Variants in ZNF334 observed in about 807,000 individuals in gnomAD.
ZNF334 encodes zinc finger protein 334.
ZNF334 carries 14 observed loss-of-function variants against 12.4 expected under a neutral mutation model. That is an observed-to-expected ratio of 1.13 (90% CI 0.74 to 1.76). The LOEUF is 1.76. ZNF334 is among the 40% of genes most tolerant of loss of function. ZNF334 has a pLI of 0.00. For synonymous variants in ZNF334, 273 were observed against 269.6 expected (o/e 1.01, Z -0.12); for missense variants, 797 against 804.5 (o/e 0.99, Z 0.11).
At chr20:46,473,166 A>G in the ZNF334 span, among the ~76,000 whole-genome samples, 1 of 152,166 alleles carries the variant, frequency 6.6e-6, no homozygotes. Context: ...TGTATGCATC[A>G]TTTGTAAATC....
In ZNF334 at chr20:46,504,229, T is replaced by G. The variant is rs189187102; in HGVS notation, c.226A>C (p.Asn76His). The G allele has an allele frequency of 3.0e-5, 48 of 1,611,876 alleles. No homozygotes were observed. Among genetic ancestry groups the G allele is most frequent in the Middle Eastern group, 1.7e-4 (1 of 6,036 alleles). ...EEPWIVEEFS[N>H]QNYPDIDDAL... is the part of the protein sequence containing the mutation. ...ATTTACTTACCTGGGTAGTTCTGAT[T>G]TGAGAATTCCTCCACTATCCATGGC... The change falls in exon 4 of 5, where the codon AAT (asparagine) becomes CAT (histidine). Residue 76 changes from asparagine (N) to histidine (H), a missense_variant. Asn to His is a moderately conservative substitution (Grantham distance 68). Coordinates refer to ENST00000692313, the MANE Select transcript of ZNF334 (RefSeq NM_001353824.2).
chr20:46,476,692 G>C, the ZNF334 span, among the ~76,000 whole-genome samples: 1 of 152,150 alleles, frequency 6.6e-6, no homozygotes, highest in African/African-American at 2.4e-5. Flanking sequence ...TGACAAAAAA[G>C]TGTGAAAGAA....
At chr20:46,509,405 G>A (rs918139468) in intron 2 of ZNF334, among the ~76,000 whole-genome samples, 2 of 152,164 alleles carry the variant, frequency 1.3e-5, no homozygotes, top group Non-Finnish European at 2.9e-5. Flanking sequence ...AAGAAAGGAT[G>A]TAAACAATGA....
At chr20:46,509,373 G>A (rs2061558194) in intron 2 of ZNF334, among the ~76,000 whole-genome samples, 1 of 152,146 alleles carries the variant, frequency 6.6e-6, no homozygotes, top group Admixed American at 6.5e-5. Context: ...TAGTGAGGGT[G>A]AGGGAAGTAA....
the ZNF334 span, among the ~76,000 whole-genome samples, chr20:46,477,812 A>G: frequency 6.6e-6 from 1 of 152,226 alleles, no homozygotes; most frequent in African/African-American, 2.4e-5. Flanking sequence ...TCAGTTAATG[A>G]GATCATGAAT....
chr20:46,475,272 C>G, the ZNF334 span, among the ~76,000 whole-genome samples: 1 of 152,028 alleles, frequency 6.6e-6, no homozygotes, highest in Non-Finnish European at 1.5e-5. Flanking sequence ...CATAAAAAAC[C>G]AAACCTTGAC....
In ZNF334 at chr20:46,503,056, T is replaced by C. The variant is rs887899829; in HGVS notation, c.283A>G (p.Lys95Glu). The C allele has an allele frequency of 7.5e-6, 12 of 1,609,694 alleles. No homozygotes were observed. Among genetic ancestry groups the C allele is most frequent in the Non-Finnish European group, 1.0e-5 (12 of 1,178,162 alleles). ...ALEKNKEIQDKHLTQTVFFSN... is the reference protein window; with the variant it reads ...ALEKNKEIQDEHLTQTVFFSN... The stretch of plus-strand genomic sequence containing the variant: ...AAGAATACAGTTTGTGTCAAATGTT[T>C]ATCTTGGATTTCCTTGTTCTTCTCT... The change falls in exon 5 of 5, where the codon AAA becomes GAA. Residue 95 changes from lysine (K) to glutamate (E), a missense_variant. Transcript: ENST00000692313.
At chr20:46,498,789 T>C (rs2061066545), downstream of ZNF334, among the ~76,000 whole-genome samples, 1 of 152,184 alleles carries the variant, frequency 6.6e-6, no homozygotes, top group Non-Finnish European at 1.5e-5. Flanking sequence ...TTATTTAAGA[T>C]GCAGTCATAC....
Position 46,508,807 on chromosome 20 carries a change from C to T in ZNF334, c.21+3275G>A, listed in dbSNP as rs376261720. 3.3e-4 allele frequency among the ~76,000 whole-genome samples: 50 copies of T among 152,156 alleles called. 1 individual carries two copies. Among genetic ancestry groups the T allele is most frequent in the South Asian group, 4.1e-4 (2 of 4,832 alleles). Reference sequence around the variant, plus strand: ...TTCTAATCTTAAATATTCATATAAACGAAAAATCCTGTTTATAATGATCTG... The same window carrying T: ...TTCTAATCTTAAATATTCATATAAATGAAAAATCCTGTTTATAATGATCTG... On this transcript the variant is annotated intron_variant, in intron 2 of 4. Coordinates refer to ENST00000692313, the MANE Select transcript of ZNF334 (RefSeq NM_001353824.2).
the ZNF334 span, among the ~76,000 whole-genome samples, chr20:46,484,249 G>C: frequency 6.6e-6 from 1 of 152,112 alleles, no homozygotes; most frequent in Admixed American, 6.5e-5. Flanking sequence ...TGTTTCCTTA[G>C]CTGTTACTTT....
At chr20:46,492,998 G>C in the ZNF334 span, 2 of 151,688 alleles carry the variant, frequency 1.3e-5, no homozygotes, top group Admixed American at 6.6e-5. Flanking sequence ...TGAGACAGGA[G>C]AATCACTTGA....
chr20:46,501,956 A>G lies in ZNF334; in HGVS notation c.1383T>C (p.Tyr461=), dbSNP rs745959274. The change falls in exon 5 of 5, where the codon TAT becomes TAC. Residue 461 remains tyrosine (Y), a synonymous_variant. Transcript: ENST00000692313. ...HQITHRGKKS[Y]ECNECGKFFC... Reference sequence around the variant, plus strand: ...AAAATTTCCCACATTCATTACATTCATAAGACTTCTTTCCTCTATGAGTTA... The same window carrying G: ...AAAATTTCCCACATTCATTACATTCGTAAGACTTCTTTCCTCTATGAGTTA... 1.1e-5 allele frequency: 18 copies of G among 1,613,924 alleles called. No homozygotes were observed. In the East Asian group the frequency reaches 2.9e-4, roughly 26 times the overall value.
the ZNF334 span, chr20:46,491,956 T>C: frequency 6.5e-6 from 1 of 153,464 alleles, no homozygotes; most frequent in Non-Finnish European, 1.5e-5. Context: ...CAAATCTTAA[T>C]AAACACAAGA....
In ZNF334 at chr20:46,513,400, C is replaced by T. The variant is rs1298164652; in HGVS notation, c.-899G>A. 1 of 152,588 alleles carries T rather than the reference C, an allele frequency of 6.6e-6. No homozygotes were observed. The highest frequency in any genetic ancestry group is 6.5e-5 in the Admixed American group (1 of 15,286). The allele number at this position is 152,588 out of a possible 1,614,324, so 9.5% of individuals were successfully genotyped here. A position where few individuals can be genotyped will look rare whatever the true frequency, so the allele number is the denominator to read the frequency against. On this transcript the variant is annotated 5_prime_UTR_variant, in exon 1 of 5. Coordinates refer to ENST00000692313, the MANE Select transcript of ZNF334 (RefSeq NM_001353824.2). ...TCCGCAGACCCGAGGCCCGCTCCGCCCGGCCCCACCGTTCCCTCCGACGCC... is the reference window on the plus strand; with the variant it reads ...TCCGCAGACCCGAGGCCCGCTCCGCTCGGCCCCACCGTTCCCTCCGACGCC...
chr20:46,501,765 G>C lies in ZNF334; in HGVS notation c.1574C>G (p.Ala525Gly), dbSNP rs1218909428. Residue 525 changes from alanine (A) to glycine (G), a missense_variant, in exon 5 of 5, where the codon GCC becomes GGC. Coordinates refer to ENST00000692313, the MANE Select transcript of ZNF334 (RefSeq NM_001353824.2). ...NLYECSEHGH[A>G]VSKNSHLIVH... is the part of the protein sequence containing the mutation. The stretch of plus-strand genomic sequence containing the variant: ...AATGAGGTGTGAGTTTTTGCTGACG[G>C]CATGCCCATGTTCACTACACTCATA... 1 of 1,614,108 alleles carries C rather than the reference G, an allele frequency of 6.2e-7. No individual in the cohort carries two copies. The highest frequency in any genetic ancestry group is 8.5e-7 in the Non-Finnish European group (1 of 1,180,022).
chr20:46,488,419 T>TTTTATATATATATATATATATATATA, the ZNF334 span, among the ~76,000 whole-genome samples: 36 of 102,222 alleles, frequency 3.5e-4, no homozygotes, highest in African/African-American at 6.1e-4. Context: ...AGCTCTTATT[T>TTTTATATATATATATATATATATATA]TATATATATA....
the ZNF334 span, among the ~76,000 whole-genome samples, chr20:46,465,653 T>C: frequency 6.6e-6 from 1 of 152,056 alleles, no homozygotes; most frequent in Non-Finnish European, 1.5e-5. Flanking sequence ...TGAGTCTGAG[T>C]GGTCAAGGCT....
chr20:46,504,093 C>T, intron 4 of ZNF334, 121 bp downstream of exon 4: 1 of 591,774 alleles, frequency 1.7e-6, no homozygotes, highest in African/African-American at 1.9e-5. Context: ...TCAATCACTT[C>T]TAAAGGTCTG....
chr20:46,471,153 T>C, the ZNF334 span, among the ~76,000 whole-genome samples: 1 of 152,230 alleles, frequency 6.6e-6, no homozygotes, highest in Middle Eastern at 3.2e-3. Context: ...CCAATCCTTT[T>C]AATTTTAGGT....
Sources: allele counts gnomAD v4.1 joint callset (sites outside exome capture counted in the v4.1 genomes callset), GRCh38; gene constraint gnomAD v4.1.1; transcripts MANE v1.5; gene names NCBI Gene and HGNC (gene_info 2026-07-23, HGNC 2026-07-21).